The following SELENOT variants were observed in gnomAD, a reference collection of about 807,000 sequenced individuals.
The protein encoded by SELENOT is thioredoxin reductase-like selenoprotein T.
In SELENOT, 9 loss-of-function variants were observed where a neutral mutation model predicts 24.3. The observed-to-expected ratio is 0.37, with a 90% confidence interval of 0.22 to 0.65. The LOEUF (loss-of-function observed/expected upper bound fraction) is 0.65. Ranked by LOEUF, SELENOT falls within the 30% of genes least tolerant of loss-of-function variation. The probability of loss-of-function intolerance (pLI) is 0.60; values close to 1 mark genes in which losing one functional copy is unlikely to be tolerated. For synonymous variants in SELENOT, 81 were observed against 86.0 expected (o/e 0.94, Z 0.32); for missense variants, 166 against 247.6 (o/e 0.67, Z 2.21).
rs1381011603 is a variant in SELENOT, at chr3:150,629,177, T to C, written c.*1548T>C. Reference sequence around the variant, plus strand: ...GCATGTCAGGTAATGGTCTTGATTGTGATAGCTTCAAGGTGGAACATACTG... The same window carrying C: ...GCATGTCAGGTAATGGTCTTGATTGCGATAGCTTCAAGGTGGAACATACTG... On this transcript the variant is annotated 3_prime_UTR_variant, in exon 6 of 6. Transcript: ENST00000471696. 1 of 152,204 alleles carries C rather than the reference T, an allele frequency of 6.6e-6. No homozygotes were observed. The highest frequency in any genetic ancestry group is 2.4e-5 in the African/African-American group (1 of 41,466). 9.4% of individuals were successfully genotyped at this position (152,204 alleles called of 1,614,324 possible). A position where few individuals can be genotyped will look rare whatever the true frequency, so the allele number is the denominator to read the frequency against.
chr3:150,611,439 G>C (rs1415889065), intron 1 of SELENOT: 3 of 1,258,650 alleles, frequency 2.4e-6, no homozygotes, highest in Non-Finnish European at 3.5e-6. Flanking sequence ...AGTGTCTTTT[G>C]TATCTCCTAA....
intron 4 of SELENOT, among the ~76,000 whole-genome samples, chr3:150,625,870 C>CTT (rs34698339): frequency 0.14 from 18,884 of 139,214 alleles, 1,383 homozygotes; most frequent in Non-Finnish European, 0.17. Context: ...TAAACAATAA[C>CTT]TTTTTTTTTT....
rs1209427665 is a variant in SELENOT at position 150,613,794 on chromosome 3, G to A, written c.138-8591G>A. On this transcript the variant is annotated intron_variant, in intron 1 of 5. Transcript: ENST00000471696. ...TAAGATTCTCAACACATGGTGTGTT[G>A]GCCACTTGATTGATTCACAGGTTTT... is the stretch of plus-strand genomic sequence containing the variant. 3.4e-5 allele frequency among the ~76,000 whole-genome samples: 5 copies of A among 148,996 alleles called. No individual in the cohort carries two copies. In the Admixed American group the frequency reaches 3.4e-4, roughly 10 times the overall value.
Position 150,630,409 on chromosome 3 carries a change from T to C in SELENOT, c.*2780T>C, listed in dbSNP as rs1265417887. Reference sequence around the variant, plus strand: ...AGTTTGGGGACTTACCTCTGTAGCATTGTGAAAATAAACTTTGATTAAGCT... The same window carrying C: ...AGTTTGGGGACTTACCTCTGTAGCACTGTGAAAATAAACTTTGATTAAGCT... On this transcript the variant is annotated 3_prime_UTR_variant, in exon 6 of 6. Coordinates refer to ENST00000471696, the MANE Select transcript of SELENOT (RefSeq NM_016275.5). 1 of 152,188 alleles carries C rather than the reference T, an allele frequency of 6.6e-6. No individual in the cohort carries two copies. The highest frequency in any genetic ancestry group is 1.5e-5 in the Non-Finnish European group (1 of 68,018). The allele number at this position is 152,188 out of a possible 1,614,324, so 9.4% of individuals were successfully genotyped here.
intron 1 of SELENOT, among the ~76,000 whole-genome samples, chr3:150,604,383 A>C: frequency 6.6e-6 from 1 of 152,148 alleles, no homozygotes; most frequent in East Asian, 1.9e-4. Flanking sequence ...GGGGGAAAAA[A>C]CACCAAAATT....
rs1247000485 is a variant in SELENOT, at chr3:150,630,391, G to A, written c.*2762G>A. ...AACAAATGAGGATTGTAAAGTTTGG[G>A]GACTTACCTCTGTAGCATTGTGAAA... is the stretch of plus-strand genomic sequence containing the variant. On this transcript the variant is annotated 3_prime_UTR_variant, in exon 6 of 6. Coordinates refer to ENST00000471696, the MANE Select transcript of SELENOT (RefSeq NM_016275.5). 6.6e-6 allele frequency: 1 copy of A among 152,010 alleles called. No homozygotes were observed. Among genetic ancestry groups the A allele is most frequent in the African/African-American group, 2.4e-5 (1 of 41,378 alleles). The allele number at this position is 152,010 out of a possible 1,614,324, so 9.4% of individuals were successfully genotyped here.
Position 150,624,869 on chromosome 3 carries a change from T to G in SELENOT, c.433T>G (p.Ser145Ala), listed in dbSNP as rs1201100484. 6.4e-7 allele frequency: 1 copy of G among 1,562,928 alleles called. No individual in the cohort carries two copies. Among genetic ancestry groups the G allele is most frequent in the Non-Finnish European group, 8.7e-7 (1 of 1,151,888 alleles). The change falls in exon 4 of 6, where the codon TCA becomes GCA. Residue 145 changes from serine (S) to alanine (A), a missense_variant. Physicochemically the swap from Ser to Ala is moderately conservative, Grantham distance 99. Coordinates refer to ENST00000471696, the MANE Select transcript of SELENOT (RefSeq NM_016275.5). ...CAACATGATTGAGAACCAGTGTATG[T>G]CAACAGGTGCATTTGAGATAACTTT... The part of the protein sequence containing the change: ...LSNMIENQCM[S>A]TGAFEITLND...
chr3:150,611,621 G>A, intron 1 of SELENOT: 2 of 1,536,360 alleles, frequency 1.3e-6, no homozygotes, highest in Non-Finnish European at 1.8e-6. Context: ...TATCCAGCTC[G>A]ATCTTCACCT....
At chr3:150,605,346 A>C (rs1272705054) in intron 1 of SELENOT, among the ~76,000 whole-genome samples, 1 of 152,136 alleles carries the variant, frequency 6.6e-6, no homozygotes, top group South Asian at 2.1e-4. Context: ...CACTTGTCAC[A>C]ATAATTTACC....
chr3:150,627,194 G>C, intron 5 of SELENOT, 31 bp downstream of exon 5: 1 of 1,498,166 alleles, frequency 6.7e-7, no homozygotes, highest in South Asian at 1.3e-5. Flanking sequence ...CTAATGTATA[G>C]GTTTCTGTTG....
intron 4 of SELENOT, among the ~76,000 whole-genome samples, chr3:150,626,281 G>A (rs1172938059): frequency 6.6e-6 from 1 of 152,102 alleles, no homozygotes; most frequent in Non-Finnish European, 1.5e-5. Flanking sequence ...CATTTAATCT[G>A]GCCAAAAGGC....
intron 1 of SELENOT, chr3:150,611,569 A>G (rs889249081): frequency 2.4e-6 from 3 of 1,249,466 alleles, no homozygotes; most frequent in Admixed American, 1.7e-5. Context: ...ACTCTGAATT[A>G]AGTTTTTATG....
At chr3:150,611,453 T>C (rs1186212208) in intron 1 of SELENOT, 4 of 1,238,026 alleles carry the variant, frequency 3.2e-6, no homozygotes, top group Non-Finnish European at 4.8e-6. Context: ...CTCCTAAGTG[T>C]ATTTACTTGT....
intron 1 of SELENOT, among the ~76,000 whole-genome samples, chr3:150,621,594 G>T (rs1726344306): frequency 7.5e-6 from 1 of 133,586 alleles, no homozygotes; most frequent in Non-Finnish European, 1.6e-5. Flanking sequence ...TATCTCATAT[G>T]CACTCTGGTG....
At chr3:150,611,744 G>T in intron 1 of SELENOT, 2 of 1,425,912 alleles carry the variant, frequency 1.4e-6, no homozygotes, top group Admixed American at 1.8e-5. Flanking sequence ...CGGCCTGGCC[G>T]CCCCCAGGGG....
chr3:150,605,681 G>A (rs1408670794), intron 1 of SELENOT, among the ~76,000 whole-genome samples: 1 of 151,972 alleles, frequency 6.6e-6, no homozygotes, highest in Non-Finnish European at 1.5e-5. Context: ...TTATTAATAA[G>A]ACCCACCAAA....
chr3:150,627,217 C>T (rs560428419), intron 5 of SELENOT, 54 bp downstream of exon 5: 11 of 1,325,778 alleles, frequency 8.3e-6, no homozygotes, highest in Non-Finnish European at 9.3e-6. Flanking sequence ...TCTTATGACT[C>T]AGCAAGTTAG....
chr3:150,620,902 A>T (rs1454684671), intron 1 of SELENOT, among the ~76,000 whole-genome samples: 1 of 152,122 alleles, frequency 6.6e-6, no homozygotes, highest in African/African-American at 2.4e-5. Flanking sequence ...AGATTAATAC[A>T]TTTTTTTGCA....
Position 150,622,431 on chromosome 3 carries a change from A to G in SELENOT, c.184A>G (p.Ile62Val), listed in dbSNP as rs1005079920. 6.6e-7 allele frequency: 1 copy of G among 1,505,054 alleles called. No homozygotes were observed. The highest frequency in any genetic ancestry group is 1.4e-5 in the African/African-American group (1 of 71,868). The allele number at this position is 1,505,054 out of a possible 1,614,324, so 93.2% of individuals were successfully genotyped here. ...RRVFEEYMRV[I>V]SQRYPDIRIE... is the part of the protein sequence containing the mutation. ...GGTGTTTGAGGAGTACATGCGGGTTATTAGCCAGCGGTACCCAGACATCCG... is the reference window on the plus strand; with the variant it reads ...GGTGTTTGAGGAGTACATGCGGGTTGTTAGCCAGCGGTACCCAGACATCCG... The change falls in exon 2 of 6, where the codon ATT becomes GTT. Residue 62 changes from isoleucine to valine, a missense_variant. Coordinates refer to ENST00000471696, the MANE Select transcript of SELENOT (RefSeq NM_016275.5).
Sources: gnomAD v4.1 joint callset for allele counts (sites outside exome capture counted in the v4.1 genomes callset) on GRCh38, gnomAD v4.1.1 for gene constraint, MANE v1.5 for transcripts, NCBI Gene and HGNC (gene_info 2026-07-23, HGNC 2026-07-21) for gene names.